The following YWHAQ variants were observed in gnomAD, a reference collection of about 807,000 sequenced individuals.
YWHAQ encodes the protein 14-3-3 protein theta.
A neutral mutation model predicts 28.3 loss-of-function variants in YWHAQ; 6 were observed. The ratio of observed to expected loss-of-function variants is 0.21; its 90% CI spans 0.12 to 0.42. YWHAQ has a LOEUF of 0.42. Ranked by LOEUF, YWHAQ falls within the 10% of genes least tolerant of loss-of-function variation. The pLI, the probability that YWHAQ is intolerant of heterozygous loss-of-function variation, is 1.00. For synonymous variants in YWHAQ, 143 were observed against 119.1 expected, an observed-to-expected ratio of 1.20 and a Z score of -1.31; for missense variants, 201 against 305.6, an observed-to-expected ratio of 0.66 and a Z score of 2.55.
intron 2 of YWHAQ, among the ~76,000 whole-genome samples, chr2:9,605,236 C>T (rs1223976715): frequency 2.0e-5 from 3 of 150,918 alleles, no homozygotes; most frequent in East Asian, 3.9e-4. Flanking sequence ...CTTCTAGGCT[C>T]GAGTAATCCT....
chr2:9,590,465 C>T (rs1457546743), intron 3 of YWHAQ, among the ~76,000 whole-genome samples: 1 of 152,084 alleles, frequency 6.6e-6, no homozygotes. Flanking sequence ...AGGGGTATAT[C>T]TTTGTAGACA....
At chr2:9,593,564 C>T (rs1666502192) in intron 2 of YWHAQ, among the ~76,000 whole-genome samples, 1 of 151,950 alleles carries the variant, frequency 6.6e-6, no homozygotes, top group African/African-American at 2.4e-5. Context: ...CTCACACCTA[C>T]CATCCAAGCA....
chr2:9,602,857 AAAAAAATATATATATATATATAT>A (rs1666735979), intron 2 of YWHAQ, among the ~76,000 whole-genome samples: 1 of 14,234 alleles, frequency 7.0e-5, no homozygotes, highest in Non-Finnish European at 1.5e-4. Context: ...AAAAAAAAAA[AAAAAAATATATATATATATATAT>A]ATATATATAT....
Position 9,584,502 on chromosome 2 carries a change from T to A in YWHAQ, c.*784A>T, listed in dbSNP as rs762031314. The A allele has an allele frequency of 3.3e-5, 5 of 152,688 alleles. No individual in the cohort carries two copies. The highest frequency in any genetic ancestry group is 5.9e-5 in the Non-Finnish European group (4 of 68,050). The allele number at this position is 152,688 out of a possible 1,614,324, so 9.5% of individuals were successfully genotyped here. On this transcript the variant is annotated 3_prime_UTR_variant, in exon 6 of 6. Transcript: ENST00000238081. Reference sequence around the variant, plus strand: ...TGTACTTTAATTTATTTCCCCTTTCTAGTGTATTAAGAAATGACATGCACT... The same window carrying A: ...TGTACTTTAATTTATTTCCCCTTTCAAGTGTATTAAGAAATGACATGCACT...
At chr2:9,588,432 A>G in intron 3 of YWHAQ, 104 bp from the exon 4 acceptor site, 1 of 1,347,586 alleles carries the variant, frequency 7.4e-7, no homozygotes, top group Non-Finnish European at 1.0e-6. Context: ...TAGAACCAAG[A>G]TTTTTTCTCT....
chr2:9,618,628 G>A (rs894623726), intron 2 of YWHAQ, among the ~76,000 whole-genome samples: 1 of 151,436 alleles, frequency 6.6e-6, no homozygotes, highest in African/African-American at 2.4e-5. Context: ...TGCCTCAACC[G>A]CCAGTTAGCT....
chr2:9,605,804 T>TGCCTGCCC (rs1402326195), intron 2 of YWHAQ, among the ~76,000 whole-genome samples: 1 of 151,700 alleles, frequency 6.6e-6, no homozygotes. Flanking sequence ...TCAAGTGATC[T>TGCCTGCCC]GCCCGCTGTG....
chr2:9,623,445 G>A (rs1348361379), intron 2 of YWHAQ, among the ~76,000 whole-genome samples: 1 of 152,228 alleles, frequency 6.6e-6, no homozygotes, highest in East Asian at 1.9e-4. Flanking sequence ...GTTGTTTGGA[G>A]AAAAATTGTT....
intron 2 of YWHAQ, among the ~76,000 whole-genome samples, chr2:9,603,857 G>GGAGGTCACAGTGAGCT (rs1453239323): frequency 6.6e-6 from 1 of 152,070 alleles, no homozygotes; most frequent in Non-Finnish European, 1.5e-5. Context: ...CCCAGGAGGA[G>GGAGGTCACAGTGAGCT]GAGGTCACAG....
intron 2 of YWHAQ, among the ~76,000 whole-genome samples, chr2:9,603,682 G>A (rs1031020005): frequency 1.7e-4 from 26 of 151,918 alleles, no homozygotes; most frequent in African/African-American, 4.3e-4. Flanking sequence ...CCAACACTTC[G>A]GGAGGCTGAG....
intron 2 of YWHAQ, among the ~76,000 whole-genome samples, chr2:9,615,089 C>T (rs1667018460): frequency 6.6e-6 from 1 of 152,026 alleles, no homozygotes; most frequent in Non-Finnish European, 1.5e-5. Flanking sequence ...TACAGCTTAC[C>T]AATACTGATC....
intron 2 of YWHAQ, among the ~76,000 whole-genome samples, chr2:9,619,023 T>A (rs1558550311): frequency 6.6e-6 from 1 of 152,136 alleles, no homozygotes; most frequent in African/African-American, 2.4e-5. Context: ...AAAAATAATA[T>A]TTGAGAATCT....
chr2:9,618,465 T>G (rs1333038360), intron 2 of YWHAQ, among the ~76,000 whole-genome samples: 1 of 152,220 alleles, frequency 6.6e-6, no homozygotes, highest in African/African-American at 2.4e-5. Flanking sequence ...ATCATCACTA[T>G]GACTTTTCAA....
At chr2:9,592,994 C>T (rs904338864) in intron 2 of YWHAQ, among the ~76,000 whole-genome samples, 4 of 152,046 alleles carry the variant, frequency 2.6e-5, no homozygotes, top group Non-Finnish European at 5.9e-5. Flanking sequence ...GAGAGAAGAT[C>T]CTTTTTACAT....
chr2:9,591,609 TCATTTA>T (rs1666457799), intron 2 of YWHAQ, 94 bp from the exon 3 acceptor site: 2 of 1,453,702 alleles, frequency 1.4e-6, no homozygotes, highest in Non-Finnish European at 1.9e-6. Context: ...GGCATTTCAA[TCATTTA>T]CTACTACAGT....
chr2:9,606,312 T>C lies in YWHAQ; in HGVS notation c.295-14797A>G, dbSNP rs568586326. On this transcript the variant is annotated intron_variant, in intron 2 of 5. Transcript: ENST00000238081. ...CAGGCTTGGTGGCTCATGCCTGTAA[T>C]CCCAGCACTTTGGGAGGCCAAGGCA... Among the ~76,000 whole-genome samples the C allele has an allele frequency of 7.9e-5, 12 of 152,320 alleles. No individual in the cohort carries two copies. The East Asian group carries it at 2.3e-3, about 29-fold the overall frequency.
At chr2:9,621,526 C>T (rs982542302) in intron 2 of YWHAQ, among the ~76,000 whole-genome samples, 2 of 152,178 alleles carry the variant, frequency 1.3e-5, no homozygotes, top group African/African-American at 4.8e-5. Context: ...TTTTGCCATA[C>T]TTGCTTTTTC....
intron 2 of YWHAQ, among the ~76,000 whole-genome samples, chr2:9,619,290 T>C (rs1667094478): frequency 6.6e-6 from 1 of 152,176 alleles, no homozygotes; most frequent in African/African-American, 2.4e-5. Flanking sequence ...GTACAGCTGA[T>C]CGTCAACAAC....
chr2:9,623,590 A>G (rs1473046978), intron 2 of YWHAQ, among the ~76,000 whole-genome samples: 2 of 152,078 alleles, frequency 1.3e-5, no homozygotes, highest in Non-Finnish European at 2.9e-5. Context: ...CCTGACCAAC[A>G]CGGAGAAACC....
Sources: gnomAD v4.1 joint callset for allele counts (sites outside exome capture counted in the v4.1 genomes callset) on GRCh38, gnomAD v4.1.1 for gene constraint, MANE v1.5 for transcripts, NCBI Gene and HGNC (gene_info 2026-07-23, HGNC 2026-07-21) for gene names.